PID1: variants seen among roughly 807,000 people sequenced by gnomAD.
PID1 encodes the protein phosphotyrosine interaction domain containing 1, also known as PTB-containing, cubilin and LRP1-interacting protein.
In PID1, 10 loss-of-function variants were observed where a neutral mutation model predicts 19.1. The ratio of observed to expected loss-of-function variants is 0.52; its 90% confidence interval spans 0.32 to 0.89. The LOEUF (loss-of-function observed/expected upper bound fraction) is 0.89, where lower values mean the gene tolerates loss of function less well. PID1 is among the 40% of genes least tolerant of loss of function. The pLI is 0.03. For synonymous variants in PID1, 130 were observed against 116.0 expected (o/e 1.12, Z -0.78); for missense variants, 248 against 285.3 (o/e 0.87, Z 0.94).
At chr2:229,088,625 C>G (rs888613006) in intron 2 of PID1, among the ~76,000 whole-genome samples, 5 of 152,052 alleles carry the variant, frequency 3.3e-5, no homozygotes, top group African/African-American at 1.2e-4. Context: ...GAAATAGAGA[C>G]TAAATACAGA....
At chr2:229,139,025 A>AAGAGAG in intron 2 of PID1, among the ~76,000 whole-genome samples, 1 of 88,192 alleles carries the variant, frequency 1.1e-5, no homozygotes, top group African/African-American at 4.3e-5. Flanking sequence ...GAAAGAAAGA[A>AAGAGAG]AGAAAGAAAG....
At chr2:229,207,224 A>G (rs1421940265) in intron 1 of PID1, among the ~76,000 whole-genome samples, 1 of 152,150 alleles carries the variant, frequency 6.6e-6, no homozygotes, top group African/African-American at 2.4e-5. Flanking sequence ...AAATACTTGC[A>G]TAACATTGGT....
intron 2 of PID1, among the ~76,000 whole-genome samples, chr2:229,035,417 G>A (rs1220316212): frequency 6.6e-6 from 1 of 151,830 alleles, no homozygotes; most frequent in African/African-American, 2.4e-5. Context: ...TTATTTTAAA[G>A]ATATGTCTGT....
intron 2 of PID1, among the ~76,000 whole-genome samples, chr2:229,112,745 A>G (rs1695323671): frequency 6.6e-6 from 1 of 152,102 alleles, no homozygotes. Flanking sequence ...TTGGCCTCCT[A>G]AAGTGCTGGG....
Position 229,271,118 on chromosome 2 carries a change from C to A in PID1, c.-75G>T, listed in dbSNP as rs1042523875. 8 of 1,487,212 alleles carry A rather than the reference C, an allele frequency of 5.4e-6. No individual in the cohort carries two copies. The highest frequency in any genetic ancestry group is 2.8e-5 in the African/African-American group (2 of 70,798). The allele number at this position is 1,487,212 out of a possible 1,614,324, so 92.1% of individuals were successfully genotyped here. The stretch of plus-strand genomic sequence containing the variant: ...GCGCCGGGGGGCGAGGGGCTGGGGT[C>A]CCGCTTTACATCTGGGGTCGGTGTC... On this transcript the variant is annotated 5_prime_UTR_variant, in exon 1 of 3. Transcript: ENST00000392055.
At chr2:229,232,523 T>G (rs1692232717) in intron 1 of PID1, among the ~76,000 whole-genome samples, 1 of 150,114 alleles carries the variant, frequency 6.7e-6, no homozygotes, top group Admixed American at 6.6e-5. Context: ...GGGACACATT[T>G]AAACTATAGC....
chr2:229,044,126 T>C (rs945250232), intron 2 of PID1, among the ~76,000 whole-genome samples: 1 of 152,206 alleles, frequency 6.6e-6, no homozygotes, highest in Non-Finnish European at 1.5e-5. Flanking sequence ...AATGTCCTTG[T>C]AAACTCTGGA....
intron 2 of PID1, among the ~76,000 whole-genome samples, chr2:229,044,740 T>C (rs1404810414): frequency 6.6e-6 from 1 of 152,196 alleles, no homozygotes; most frequent in Non-Finnish European, 1.5e-5. Flanking sequence ...TCCATTTTGC[T>C]TTGTGTATGA....
chr2:229,100,638 T>G (rs1480133169), intron 2 of PID1, among the ~76,000 whole-genome samples: 2 of 152,206 alleles, frequency 1.3e-5, no homozygotes, highest in African/African-American at 4.8e-5. Flanking sequence ...TAATTCACCC[T>G]CTATGCCCAC....
chr2:229,238,058 C>T (rs1006389021), intron 1 of PID1, among the ~76,000 whole-genome samples: 4 of 152,130 alleles, frequency 2.6e-5, no homozygotes, highest in Admixed American at 6.5e-5. Context: ...AATATGACCC[C>T]ATTAAGTTTC....
chr2:229,046,105 C>T (rs993647521), intron 2 of PID1, among the ~76,000 whole-genome samples: 4 of 152,060 alleles, frequency 2.6e-5, no homozygotes, highest in South Asian at 2.1e-4. Context: ...ATTCCATCAA[C>T]GAACCCCCCG....
chr2:229,190,878 T>C (rs781644585), intron 1 of PID1, among the ~76,000 whole-genome samples: 26 of 152,158 alleles, frequency 1.7e-4, no homozygotes, highest in Non-Finnish European at 2.6e-4. Context: ...ATCACCCCCA[T>C]AGAGGCAAAA....
At chr2:229,077,029 C>G (rs1224722897) in intron 2 of PID1, among the ~76,000 whole-genome samples, 1 of 152,178 alleles carries the variant, frequency 6.6e-6, no homozygotes, top group Non-Finnish European at 1.5e-5. Context: ...AAAAGCATTG[C>G]TATTTCTCCA....
intron 1 of PID1, among the ~76,000 whole-genome samples, chr2:229,210,531 A>AC (rs1691708259): frequency 7.1e-6 from 1 of 141,294 alleles, no homozygotes; most frequent in Admixed American, 7.1e-5. Context: ...GTCTCAAAAA[A>AC]AAAAAAAAAA....
rs6737743 is a variant in PID1, at chr2:229,056,670, T to C, written c.178-30562A>G. On this transcript the variant is annotated intron_variant, in intron 2 of 2. Transcript: ENST00000392055. ...CCCTTTCACCCGATTTGGCTTTTTT[T>C]CCCTCCCTTCCCAATGCACCACCAA... Among the ~76,000 whole-genome samples the C allele has an allele frequency of 7.5e-3, 594 of 79,526 alleles. 5 individuals carry two copies. Among genetic ancestry groups the C allele is most frequent in the African/African-American group, 0.034 (560 of 16,576 alleles). 52.2% of individuals were successfully genotyped at this position (79,526 alleles called of 152,430 possible).
rs957905908 is a variant in PID1, at chr2:229,216,892, T to A, written c.30+54122A>T. Among the ~76,000 whole-genome samples the A allele has an allele frequency of 7.9e-5, 12 of 152,242 alleles. No homozygotes were observed. In the South Asian group the frequency reaches 1.5e-3, roughly 18 times the overall value. ...CATTTTATATATACATATATTTTTT[T>A]AAAAAAAAGCAAAGGAGAAGGAAGA... is the stretch of plus-strand genomic sequence containing the variant. On this transcript the variant is annotated intron_variant, in intron 1 of 2. Coordinates refer to ENST00000392055, the MANE Select transcript of PID1 (RefSeq NM_001100818.2).
intron 2 of PID1, among the ~76,000 whole-genome samples, chr2:229,044,917 A>C (rs1014311733): frequency 7.9e-5 from 12 of 152,178 alleles, no homozygotes; most frequent in African/African-American, 2.9e-4. Context: ...TGGCATAAAA[A>C]CGTATTAGGT....
At chr2:229,046,889 C>A (rs1693893283) in intron 2 of PID1, among the ~76,000 whole-genome samples, 1 of 152,190 alleles carries the variant, frequency 6.6e-6, no homozygotes. Context: ...GCACATGAAC[C>A]TTCAATCTCC....
At chr2:229,165,554 T>C (rs892638980) in intron 1 of PID1, among the ~76,000 whole-genome samples, 1 of 151,814 alleles carries the variant, frequency 6.6e-6, no homozygotes, top group Non-Finnish European at 1.5e-5. Context: ...CACTCCAGCC[T>C]GGGTGACAGA....
Sources: allele counts gnomAD v4.1 joint callset (sites outside exome capture counted in the v4.1 genomes callset), GRCh38; gene constraint gnomAD v4.1.1; transcripts MANE v1.5; gene names NCBI Gene and HGNC (gene_info 2026-07-23, HGNC 2026-07-21).